The following MPP7 variants were observed in gnomAD, a reference collection of about 807,000 sequenced individuals.
The protein encoded by MPP7 is MAGUK p55 scaffold protein 7, also known as MAGUK p55 subfamily member 7.
In MPP7, 60 loss-of-function variants were observed where a neutral mutation model predicts 76.5. The ratio of observed to expected loss-of-function variants is 0.78; its 90% CI spans 0.64 to 0.97. MPP7 has a LOEUF of 0.97. Ranked by LOEUF, MPP7 falls within the 50% of genes least tolerant of loss-of-function variation. The pLI, the probability that MPP7 is intolerant of heterozygous loss-of-function variation, is 0.00. For synonymous variants in MPP7, 237 were observed against 244.5 expected (o/e 0.97, Z 0.29); for missense variants, 641 against 694.0 (o/e 0.92, Z 0.86).
At chr10:28,120,169 C>T (rs1324024241) in intron 10 of MPP7, 25 bp downstream of exon 10, 1 of 1,602,102 alleles carries the variant, frequency 6.2e-7, no homozygotes, top group Admixed American at 1.7e-5. Context: ...TGGAGAAAAG[C>T]CATTATTATG....
At chr10:28,193,915 CA>C (rs972791264) in intron 3 of MPP7, among the ~76,000 whole-genome samples, 2 of 151,184 alleles carry the variant, frequency 1.3e-5, no homozygotes, top group Admixed American at 1.3e-4. Flanking sequence ...CAAACGCTGA[CA>C]AGGCTATAGA....
chr10:28,058,964 C>A (rs1284420134), intron 14 of MPP7, among the ~76,000 whole-genome samples: 3 of 152,148 alleles, frequency 2.0e-5, no homozygotes, highest in African/African-American at 7.2e-5. Flanking sequence ...TACGGAGTAA[C>A]CCAGCCCAGC....
chr10:28,212,972 C>T (rs1390498403), intron 2 of MPP7, among the ~76,000 whole-genome samples: 3 of 152,094 alleles, frequency 2.0e-5, no homozygotes, highest in East Asian at 3.9e-4. Context: ...TAGGGTCTTG[C>T]TCTGCCACTC....
intron 6 of MPP7, among the ~76,000 whole-genome samples, chr10:28,128,052 C>T (rs1305962231): frequency 6.6e-6 from 1 of 152,060 alleles, no homozygotes; most frequent in Non-Finnish European, 1.5e-5. Context: ...GAGGTAAAGG[C>T]AGAAGGGAGT....
intron 11 of MPP7, among the ~76,000 whole-genome samples, chr10:28,097,421 T>C (rs1381940075): frequency 1.3e-5 from 2 of 152,188 alleles, no homozygotes; most frequent in Non-Finnish European, 2.9e-5. Context: ...CTCAAAGCAC[T>C]TTATGTGTGA....
chr10:28,153,667 G>C (rs1329814147), intron 3 of MPP7, among the ~76,000 whole-genome samples: 1 of 152,050 alleles, frequency 6.6e-6, no homozygotes, highest in African/African-American at 2.4e-5. Context: ...TTTTAGTGAG[G>C]AAATCTGTTT....
chr10:28,276,757 T>G (rs1219428285), intron 1 of MPP7, among the ~76,000 whole-genome samples: 2 of 152,104 alleles, frequency 1.3e-5, no homozygotes, highest in Non-Finnish European at 2.9e-5. Flanking sequence ...TGGAAAAGTT[T>G]AAAGCTGAAT....
intron 1 of MPP7, among the ~76,000 whole-genome samples, chr10:28,240,094 T>C (rs1321737596): frequency 6.6e-6 from 1 of 152,270 alleles, no homozygotes; most frequent in East Asian, 1.9e-4. Flanking sequence ...ACAGAGAAAG[T>C]ACTCCATTTA....
chr10:28,239,392 C>A (rs1181238869), intron 1 of MPP7, among the ~76,000 whole-genome samples: 2 of 151,930 alleles, frequency 1.3e-5, no homozygotes, highest in African/African-American at 2.4e-5. Flanking sequence ...GGTCATATGC[C>A]CGCCTTGGCC....
chr10:28,115,382 C>T (rs192112466), intron 11 of MPP7, among the ~76,000 whole-genome samples: 6 of 152,140 alleles, frequency 3.9e-5, no homozygotes, highest in Non-Finnish European at 4.4e-5. Context: ...TGATTACAGG[C>T]GTGAGCCGCT....
intron 2 of MPP7, among the ~76,000 whole-genome samples, chr10:28,215,009 G>A (rs1030706731): frequency 2.0e-5 from 3 of 152,078 alleles, no homozygotes; most frequent in Admixed American, 2.0e-4. Context: ...CACCCAGACA[G>A]GTAATCTGGC....
intron 2 of MPP7, among the ~76,000 whole-genome samples, chr10:28,219,349 A>C (rs1304123265): frequency 6.6e-6 from 1 of 152,224 alleles, no homozygotes; most frequent in Non-Finnish European, 1.5e-5. Context: ...GGTTCCTAAG[A>C]GAATAAATGG....
intron 12 of MPP7, among the ~76,000 whole-genome samples, chr10:28,089,362 G>A (rs1203001015): frequency 6.6e-6 from 1 of 152,086 alleles, no homozygotes; most frequent in African/African-American, 2.4e-5. Flanking sequence ...AACTTGCATT[G>A]TGTTCAAAAA....
chr10:28,283,047 T>C (rs1840716649), intron 1 of MPP7, among the ~76,000 whole-genome samples: 1 of 152,026 alleles, frequency 6.6e-6, no homozygotes, highest in East Asian at 1.9e-4. Context: ...ATGCCTGCAG[T>C]GGGCTACTTT....
At chr10:28,324,167 T>C (rs1317295050) in intron 2 of MPP7, among the ~76,000 whole-genome samples, 2 of 152,056 alleles carry the variant, frequency 1.3e-5, no homozygotes, top group Non-Finnish European at 2.9e-5. Flanking sequence ...GTCATGAAGG[T>C]TCTGAATGGG....
Position 28,276,219 on chromosome 10 carries a change from C to T in MPP7, c.-132+26642G>A, listed in dbSNP as rs1314594827. Among the ~76,000 whole-genome samples, 6 of 151,482 alleles carry T rather than the reference C, an allele frequency of 4.0e-5. No individual in the cohort carries two copies. The East Asian group carries it at 5.8e-4, about 15-fold the overall frequency. ...CTAATTTTTGTATTTTTAGTAGAGA[C>T]GGGGTTTCACCATATTGGCCAGACT... On this transcript the variant is annotated intron_variant, in intron 1 of 16. Coordinates refer to ENST00000683449, the MANE Select transcript of MPP7 (RefSeq NM_001318170.2).
intron 2 of MPP7, among the ~76,000 whole-genome samples, chr10:28,213,571 G>C (rs189972967): frequency 3.9e-4 from 59 of 152,098 alleles, no homozygotes; most frequent in Non-Finnish European, 7.2e-4. Flanking sequence ...AAGGCGGGCA[G>C]ATCAAGAGGT....
At chr10:28,311,698 C>T (rs1238934709) in intron 2 of MPP7, among the ~76,000 whole-genome samples, 1 of 151,888 alleles carries the variant, frequency 6.6e-6, no homozygotes, top group Admixed American at 6.6e-5. Flanking sequence ...ACATGGGCAA[C>T]ATAGCAAGAC....
chr10:28,193,750 T>C (rs1837488575), intron 3 of MPP7, among the ~76,000 whole-genome samples: 1 of 151,550 alleles, frequency 6.6e-6, no homozygotes, highest in Admixed American at 6.6e-5. Flanking sequence ...AAGCAAAAAA[T>C]CTGAATAGAC....
Sources: gnomAD v4.1 joint callset for allele counts (sites outside exome capture counted in the v4.1 genomes callset) on GRCh38, gnomAD v4.1.1 for gene constraint, MANE v1.5 for transcripts, NCBI Gene and HGNC (gene_info 2026-07-23, HGNC 2026-07-21) for gene names.